The following UTRN variants were observed in gnomAD, a reference collection of about 807,000 sequenced individuals.
The protein encoded by UTRN is dystrophin-related protein 1.
A neutral mutation model predicts 463.9 loss-of-function variants in UTRN; 283 were observed. The ratio of observed to expected loss-of-function variants is 0.61; its 90% confidence interval spans 0.55 to 0.67. The LOEUF (loss-of-function observed/expected upper bound fraction) is 0.67. Ranked by LOEUF, UTRN falls within the 30% of genes least tolerant of loss-of-function variation. The pLI is 0.00. For missense variants in UTRN, 3,922 were observed against 4,084.3 expected (o/e 0.96, Z 1.08); for synonymous variants, 1,442 against 1,431.5 (o/e 1.01, Z -0.17).
At chr6:144,673,771 T>TTGAGATATA (rs2128680200) in intron 51 of UTRN, among the ~76,000 whole-genome samples, 1 of 152,302 alleles carries the variant, frequency 6.6e-6, no homozygotes, top group African/African-American at 2.4e-5. Context: ...AGATTATATT[T>TTGAGATATA]TGGTGTATTT....
At chr6:144,814,175 A>C (rs1381874950) in intron 65 of UTRN, among the ~76,000 whole-genome samples, 1 of 152,198 alleles carries the variant, frequency 6.6e-6, no homozygotes, top group Non-Finnish European at 1.5e-5. Flanking sequence ...TTAGGTCATG[A>C]GGATGGAGCT....
chr6:144,697,029 A>G lies in UTRN; in HGVS notation c.7653-3058A>G, dbSNP rs534246136. Among the ~76,000 whole-genome samples the G allele has an allele frequency of 1.2e-4, 19 of 152,252 alleles. No individual in the cohort carries two copies. The East Asian group carries it at 2.1e-3, about 17-fold the overall frequency. ...TTTTTATGGGTCTTTACCTTCTAAC[A>G]TGTTTTTGCATTACATTTTTTAAGA... On this transcript the variant is annotated intron_variant, in intron 52 of 74. Coordinates refer to ENST00000367545, the MANE Select transcript of UTRN (RefSeq NM_007124.3).
At chr6:144,670,383 T>C (rs982239144) in intron 51 of UTRN, among the ~76,000 whole-genome samples, 1 of 152,138 alleles carries the variant, frequency 6.6e-6, no homozygotes, top group African/African-American at 2.4e-5. Flanking sequence ...ATTAGTGATG[T>C]TGAGCATTTT....
At chr6:144,550,460 C>T (rs1391368069) in intron 47 of UTRN, among the ~76,000 whole-genome samples, 1 of 152,278 alleles carries the variant, frequency 6.6e-6, no homozygotes, top group East Asian at 1.9e-4. Context: ...GAGAGACAAA[C>T]CATCTACAGC....
rs1782347145 is a variant in UTRN, at chr6:144,849,974, A to G, written c.10294-1015A>G. On this transcript the variant is annotated intron_variant, in intron 74 of 74. Transcript: ENST00000367545. The stretch of plus-strand genomic sequence containing the variant: ...TTACTGTGGCCGGCACTTACCTCAT[A>G]TTACAATTGAATGAGGCTGCCTGGC... Among the ~76,000 whole-genome samples the G allele has an allele frequency of 2.6e-5, 4 of 152,136 alleles. No individual in the cohort carries two copies. The South Asian group carries it at 8.3e-4, about 32-fold the overall frequency.
intron 50 of UTRN, among the ~76,000 whole-genome samples, chr6:144,561,970 T>G (rs1799968299): frequency 6.6e-6 from 1 of 152,144 alleles, no homozygotes; most frequent in African/African-American, 2.4e-5. Context: ...TCTTTCTACT[T>G]TAATTAATGA....
chr6:144,499,141 A>G (rs1227465432), intron 33 of UTRN, 116 bp from the exon 34 acceptor site: 1 of 1,089,630 alleles, frequency 9.2e-7, no homozygotes. Context: ...AAGGTTATGT[A>G]TGTCTTGGGG....
rs560832454 is a variant in UTRN, at chr6:144,602,675, C to T, written c.7479+25387C>T. Among the ~76,000 whole-genome samples, 14 of 152,274 alleles carry T rather than the reference C, an allele frequency of 9.2e-5. No homozygotes were observed. In the South Asian group the frequency reaches 2.9e-3, roughly 32 times the overall value. On this transcript the variant is annotated intron_variant, in intron 51 of 74. Transcript: ENST00000367545. ...GTGAAAATTCTCAGTATCGCCTCCT[C>T]CCACCATGCAATTCCAAAACAATCA...
chr6:144,728,313 C>G (rs1481041320), intron 53 of UTRN, among the ~76,000 whole-genome samples: 1 of 151,956 alleles, frequency 6.6e-6, no homozygotes, highest in Non-Finnish European at 1.5e-5. Flanking sequence ...TTTTATTCCT[C>G]TAGAGCTTCT....
chr6:144,465,370 G>T (rs1372722033), intron 23 of UTRN, among the ~76,000 whole-genome samples: 2 of 152,168 alleles, frequency 1.3e-5, no homozygotes, highest in African/African-American at 4.8e-5. Context: ...TTGGTGGGTT[G>T]TTGCTATTAA....
At chr6:144,702,860 G>T (rs1562790334) in intron 53 of UTRN, among the ~76,000 whole-genome samples, 1 of 152,104 alleles carries the variant, frequency 6.6e-6, no homozygotes, top group Non-Finnish European at 1.5e-5. Flanking sequence ...TGGGGTGGCG[G>T]GTGGGAGAAA....
At chr6:144,524,444 T>TA (rs1201868265) in intron 41 of UTRN, among the ~76,000 whole-genome samples, 1 of 152,044 alleles carries the variant, frequency 6.6e-6, no homozygotes, top group South Asian at 2.1e-4. Context: ...TTTTATTATT[T>TA]AAAAAAACTT....
chr6:144,687,741 T>A lies in UTRN; in HGVS notation c.7652+9163T>A, dbSNP rs1782912216. On this transcript the variant is annotated intron_variant, in intron 52 of 74. Transcript: ENST00000367545. ...TGCTGTTCATTCGATAAGTTTTTCT[T>A]TATAGGTTACTTGATGCTTTTGTCT... is the stretch of plus-strand genomic sequence containing the variant. Among the ~76,000 whole-genome samples, 4 of 152,234 alleles carry A rather than the reference T, an allele frequency of 2.6e-5. No individual in the cohort carries two copies. In the South Asian group the frequency reaches 8.3e-4, roughly 32 times the overall value.
chr6:144,583,192 C>T, intron 51 of UTRN: 1 of 303,276 alleles, frequency 3.3e-6, no homozygotes, highest in East Asian at 5.6e-5. Flanking sequence ...CCGCAGCCGG[C>T]AGCGCTTGGC....
At chr6:144,751,225 A>G (rs1291456473) in intron 55 of UTRN, among the ~76,000 whole-genome samples, 1 of 152,238 alleles carries the variant, frequency 6.6e-6, no homozygotes, top group African/African-American at 2.4e-5. Context: ...AACTAAAGAT[A>G]GAATCAACAT....
At chr6:144,624,922 G>C (rs1207734349) in intron 51 of UTRN, among the ~76,000 whole-genome samples, 3 of 152,102 alleles carry the variant, frequency 2.0e-5, no homozygotes, top group Admixed American at 6.5e-5. Context: ...TTTCTTTTTA[G>C]AAAAGAGAGC....
chr6:144,677,146 C>T (rs1247657096), intron 51 of UTRN, among the ~76,000 whole-genome samples: 4 of 151,942 alleles, frequency 2.6e-5, no homozygotes, highest in South Asian at 2.1e-4. Context: ...ATGTGCTGAA[C>T]GTGCAGGTTT....
chr6:144,606,181 T>C (rs1804828641), intron 51 of UTRN, among the ~76,000 whole-genome samples: 1 of 152,196 alleles, frequency 6.6e-6, no homozygotes, highest in African/African-American at 2.4e-5. Context: ...ATGTTTGACA[T>C]TGGGAAGTTA....
intron 46 of UTRN, 74 bp from the exon 47 acceptor site, chr6:144,548,566 C>A: frequency 1.5e-6 from 2 of 1,372,816 alleles, no homozygotes; most frequent in Non-Finnish European, 1.0e-6. Context: ...TACACATACA[C>A]GTGTCACCAT....
Sources: gnomAD v4.1 joint callset for allele counts (sites outside exome capture counted in the v4.1 genomes callset) on GRCh38, gnomAD v4.1.1 for gene constraint, MANE v1.5 for transcripts, NCBI Gene and HGNC (gene_info 2026-07-23, HGNC 2026-07-21) for gene names.